The following WWOX variants were observed in gnomAD, a reference collection of about 807,000 sequenced individuals.
The protein encoded by WWOX is WW domain containing oxidoreductase.
In WWOX, 69 loss-of-function variants were observed where a neutral mutation model predicts 46.2. The ratio of observed to expected loss-of-function variants is 1.49; its 90% confidence interval spans 1.23 to 1.82. The LOEUF is 1.82. WWOX is among the 40% of genes most tolerant of loss of function. WWOX has a pLI of 0.00. For missense variants in WWOX, 919 were observed against 542.6 expected (o/e 1.69, Z -6.89); for synonymous variants, 359 against 202.6 (o/e 1.77, Z -6.56).
At chr16:78,258,900 T>G (rs1214450501) in intron 5 of WWOX, among the ~76,000 whole-genome samples, 1 of 152,142 alleles carries the variant, frequency 6.6e-6, no homozygotes, top group Non-Finnish European at 1.5e-5. Context: ...ATCTCCACTT[T>G]ACAGAGTTCA....
At chr16:78,305,036 G>T (rs912698334) in intron 5 of WWOX, among the ~76,000 whole-genome samples, 1 of 151,272 alleles carries the variant, frequency 6.6e-6, no homozygotes, top group Non-Finnish European at 1.5e-5. Context: ...GGCAGCACAG[G>T]GCAGTGATTA....
intron 8 of WWOX, among the ~76,000 whole-genome samples, chr16:79,024,544 C>T (rs916337916): frequency 1.3e-5 from 2 of 152,316 alleles, no homozygotes; most frequent in East Asian, 1.9e-4. Context: ...CGCCATTCTC[C>T]TGCCTCAGCC....
At chr16:78,862,018 T>G (rs1019555843) in intron 8 of WWOX, among the ~76,000 whole-genome samples, 1 of 152,156 alleles carries the variant, frequency 6.6e-6, no homozygotes, top group African/African-American at 2.4e-5. Context: ...TATCTATGTA[T>G]AGATATAGAT....
At chr16:78,181,692 G>A (rs1328074813) in intron 5 of WWOX, among the ~76,000 whole-genome samples, 1 of 152,094 alleles carries the variant, frequency 6.6e-6, no homozygotes, top group Admixed American at 6.5e-5. Flanking sequence ...TATAAAGAGA[G>A]TAAATTTGTT....
intron 5 of WWOX, among the ~76,000 whole-genome samples, chr16:78,322,418 G>C (rs777213021): frequency 7.2e-5 from 11 of 152,122 alleles, no homozygotes; most frequent in African/African-American, 9.7e-5. Context: ...CTGAGTGTTC[G>C]TGATCGCCAG....
At chr16:78,355,419 G>A (rs551586124) in intron 5 of WWOX, 16 of 283,276 alleles carry the variant, frequency 5.6e-5, no homozygotes, top group East Asian at 2.9e-4. Context: ...TGGCTAACAC[G>A]GTGAAACCGT....
intron 8 of WWOX, among the ~76,000 whole-genome samples, chr16:78,864,468 C>A (rs922296648): frequency 6.6e-6 from 1 of 151,962 alleles, no homozygotes. Context: ...AAGGTTTCTC[C>A]ATGTTGCCAA....
chr16:78,833,891 C>G (rs1051518862), intron 8 of WWOX, among the ~76,000 whole-genome samples: 6 of 152,260 alleles, frequency 3.9e-5, no homozygotes, highest in Admixed American at 3.9e-4. Flanking sequence ...CATACAGGCA[C>G]TTTGTCTCCC....
chr16:78,605,324 T>C (rs767288789), intron 8 of WWOX, among the ~76,000 whole-genome samples: 2 of 151,850 alleles, frequency 1.3e-5, no homozygotes, highest in South Asian at 2.1e-4. Flanking sequence ...GCATGTCTTA[T>C]ATAATCAATA....
chr16:78,716,829 C>A (rs769768502), intron 8 of WWOX, among the ~76,000 whole-genome samples: 5 of 152,186 alleles, frequency 3.3e-5, no homozygotes, highest in Non-Finnish European at 5.9e-5. Context: ...AGCTTACCCT[C>A]CCTACGCAAC....
intron 8 of WWOX, among the ~76,000 whole-genome samples, chr16:78,654,011 A>G (rs974096148): frequency 2.0e-5 from 3 of 152,236 alleles, no homozygotes; most frequent in Non-Finnish European, 4.4e-5. Context: ...TCAAGGTCGT[A>G]TCCAGCTTTG....
intron 8 of WWOX, among the ~76,000 whole-genome samples, chr16:79,199,500 A>T (rs1420627735): frequency 6.6e-6 from 1 of 152,138 alleles, no homozygotes; most frequent in Non-Finnish European, 1.5e-5. Context: ...CAAAATCAAA[A>T]CTGCATCATT....
intron 8 of WWOX, among the ~76,000 whole-genome samples, chr16:78,641,474 T>C (rs1284111944): frequency 1.3e-5 from 2 of 151,862 alleles, no homozygotes; most frequent in Non-Finnish European, 2.9e-5. Flanking sequence ...CCCCACCCAA[T>C]CCCCTCTCAC....
chr16:78,699,570 C>A (rs545503914), intron 8 of WWOX, among the ~76,000 whole-genome samples: 1 of 152,236 alleles, frequency 6.6e-6, no homozygotes, highest in Admixed American at 6.5e-5. Flanking sequence ...AAAACAAGTT[C>A]ATGAGATACC....
chr16:79,029,616 A>T (rs113670819), intron 8 of WWOX, among the ~76,000 whole-genome samples: 10 of 152,332 alleles, frequency 6.6e-5, no homozygotes, highest in African/African-American at 2.4e-4. Flanking sequence ...AAGTTAGGGT[A>T]ATATATTCTT....
intron 8 of WWOX, among the ~76,000 whole-genome samples, chr16:78,499,262 G>A (rs1042590741): frequency 2.0e-5 from 3 of 152,172 alleles, no homozygotes; most frequent in Non-Finnish European, 4.4e-5. Flanking sequence ...TGGAAAGGCA[G>A]CAAGCTACGA....
At chr16:78,418,540 G>C (rs2082851415) in intron 6 of WWOX, among the ~76,000 whole-genome samples, 1 of 152,042 alleles carries the variant, frequency 6.6e-6, no homozygotes, top group African/African-American at 2.4e-5. Context: ...TATAAATAGA[G>C]ATGCAACAAT....
At chr16:78,322,695 CTG>C (rs1442663920) in intron 5 of WWOX, among the ~76,000 whole-genome samples, 3 of 152,202 alleles carry the variant, frequency 2.0e-5, no homozygotes, top group South Asian at 2.1e-4. Context: ...CAAAGTTACT[CTG>C]TGGAGCAGGG....
intron 5 of WWOX, among the ~76,000 whole-genome samples, chr16:78,366,316 A>G (rs2081535427): frequency 6.6e-6 from 1 of 152,200 alleles, no homozygotes; most frequent in Admixed American, 6.5e-5. Context: ...AAGTGTTTAG[A>G]TATGCTCCCT....
Sources: allele counts gnomAD v4.1 joint callset (sites outside exome capture counted in the v4.1 genomes callset), GRCh38; gene constraint gnomAD v4.1.1; transcripts MANE v1.5; gene names NCBI Gene and HGNC (gene_info 2026-07-23, HGNC 2026-07-21).